The following RAP1GDS1 variants were observed in gnomAD, a reference collection of about 807,000 sequenced individuals.
The protein encoded by RAP1GDS1 is Rap1 GTPase-GDP dissociation stimulator 1, also known as RAP1, GTP-GDP dissociation stimulator 1.
RAP1GDS1 carries 35 observed loss-of-function variants against 71.1 expected under a neutral mutation model. That is an observed-to-expected ratio of 0.49 (90% confidence interval 0.38 to 0.65). RAP1GDS1 has a LOEUF of 0.65. Among genes scored for constraint, RAP1GDS1 ranks in the 30% least tolerant of loss-of-function variants. RAP1GDS1 has a pLI of 0.00. For missense variants in RAP1GDS1, 663 were observed against 706.1 expected (o/e 0.94, Z 0.69); for synonymous variants, 229 against 243.1 (o/e 0.94, Z 0.54).
chr4:98,417,547 T>G (rs1202550564), intron 9 of RAP1GDS1, 49 bp downstream of exon 9: 2 of 1,571,472 alleles, frequency 1.3e-6, no homozygotes, highest in African/African-American at 2.7e-5. Context: ...TATATTTGTT[T>G]ATTTTTGCTT....
Position 98,417,349 on chromosome 4 carries a change from C to T in RAP1GDS1, c.908-18C>T, listed in dbSNP as rs751659039. 4.6e-5 allele frequency: 73 copies of T among 1,593,784 alleles called. No individual in the cohort carries two copies. Among genetic ancestry groups the T allele is most frequent in the Admixed American group, 1.6e-4 (9 of 57,464 alleles). On this transcript the variant is annotated intron_variant, in intron 8 of 14. Transcript: ENST00000408927. ...GTTATTTTTCTCTTGCTTAACTATT[C>T]GTTTCATTTACCTCCAGATGAATCC...
At chr4:98,438,339 A>G (rs916716611) in intron 14 of RAP1GDS1, among the ~76,000 whole-genome samples, 2 of 151,512 alleles carry the variant, frequency 1.3e-5, no homozygotes, top group African/African-American at 4.8e-5. Flanking sequence ...TCACTCTTTT[A>G]GTTTCAATCT....
intron 2 of RAP1GDS1, among the ~76,000 whole-genome samples, chr4:98,300,657 T>A (rs1158617514): frequency 2.6e-5 from 4 of 152,122 alleles, no homozygotes; most frequent in African/African-American, 4.8e-5. Context: ...TTCCTTGGCC[T>A]CCCAAACTGC....
At chr4:98,328,457 G>A (rs1578459988) in intron 2 of RAP1GDS1, among the ~76,000 whole-genome samples, 2 of 152,138 alleles carry the variant, frequency 1.3e-5, no homozygotes, top group Admixed American at 6.5e-5. Context: ...TTAGGGCATC[G>A]GGTGGTTTGG....
chr4:98,431,413 C>A (rs972738519), intron 12 of RAP1GDS1, among the ~76,000 whole-genome samples: 1 of 152,188 alleles, frequency 6.6e-6, no homozygotes, highest in Non-Finnish European at 1.5e-5. Flanking sequence ...TTTCACTAAT[C>A]AAGGGCAAAT....
At chr4:98,309,573 G>T (rs1560811118) in intron 2 of RAP1GDS1, among the ~76,000 whole-genome samples, 1 of 151,912 alleles carries the variant, frequency 6.6e-6, no homozygotes, top group African/African-American at 2.4e-5. Flanking sequence ...AGTAGTCAAG[G>T]TAAGGGAAGG....
intron 6 of RAP1GDS1, among the ~76,000 whole-genome samples, chr4:98,404,269 A>G (rs1578756672): frequency 6.6e-6 from 1 of 152,114 alleles, no homozygotes; most frequent in Admixed American, 6.6e-5. Flanking sequence ...ACCTTTTTTT[A>G]TAGCTCAAAT....
chr4:98,294,462 C>T (rs893842630), intron 2 of RAP1GDS1, among the ~76,000 whole-genome samples: 3 of 151,788 alleles, frequency 2.0e-5, no homozygotes, highest in Admixed American at 2.0e-4. Context: ...AATTATTTTT[C>T]AGTAATTATT....
At chr4:98,423,161 C>CT (rs1749123411) in intron 12 of RAP1GDS1, among the ~76,000 whole-genome samples, 1 of 152,190 alleles carries the variant, frequency 6.6e-6, no homozygotes, top group Non-Finnish European at 1.5e-5. Context: ...GAAAGAAAGA[C>CT]TAACACACTG....
chr4:98,407,885 G>A (rs1252053309), intron 7 of RAP1GDS1, among the ~76,000 whole-genome samples: 2 of 151,930 alleles, frequency 1.3e-5, no homozygotes, highest in African/African-American at 4.8e-5. Flanking sequence ...GAAATAAAAT[G>A]GAAAACATAC....
chr4:98,275,857 A>G (rs1724118613), intron 1 of RAP1GDS1, among the ~76,000 whole-genome samples: 1 of 152,056 alleles, frequency 6.6e-6, no homozygotes, highest in Non-Finnish European at 1.5e-5. Flanking sequence ...CCACCTCTTT[A>G]CTGTAAACAT....
rs1025884200 is a variant in RAP1GDS1 at position 98,319,083 on chromosome 4, T to A, written c.113-24056T>A. Among the ~76,000 whole-genome samples the A allele has an allele frequency of 4.6e-5, 7 of 152,322 alleles. 1 individual carries two copies. The highest frequency in any genetic ancestry group is 1.7e-4 in the African/African-American group (7 of 41,578). On this transcript the variant is annotated intron_variant, in intron 2 of 14. Coordinates refer to ENST00000408927, the MANE Select transcript of RAP1GDS1 (RefSeq NM_001100427.2). ...ATTAGGTGCCTCTGTACATTAAGTA[T>A]GTTGTGGAATTTTTGTCAAAATATT...
chr4:98,392,170 A>G, intron 6 of RAP1GDS1, 90 bp downstream of exon 6: 2 of 1,221,182 alleles, frequency 1.6e-6, no homozygotes, highest in South Asian at 3.6e-5. Context: ...CTAGAAATCC[A>G]TTTAGATTGT....
intron 2 of RAP1GDS1, among the ~76,000 whole-genome samples, chr4:98,326,471 A>G (rs556820619): frequency 3.3e-5 from 5 of 152,280 alleles, no homozygotes; most frequent in Non-Finnish European, 1.5e-5. Context: ...TTGAAAGGAA[A>G]TTGTGATTTA....
intron 2 of RAP1GDS1, among the ~76,000 whole-genome samples, chr4:98,304,468 CTGTT>C (rs1288697585): frequency 2.0e-5 from 3 of 151,868 alleles, no homozygotes; most frequent in East Asian, 1.9e-4. Flanking sequence ...CTTTTTTTTC[CTGTT>C]TGTTGGCCGC....
intron 2 of RAP1GDS1, among the ~76,000 whole-genome samples, chr4:98,296,254 G>T (rs534218089): frequency 6.6e-6 from 1 of 152,016 alleles, no homozygotes; most frequent in Non-Finnish European, 1.5e-5. Flanking sequence ...TACTGGAAAG[G>T]TTATCTCTGA....
intron 1 of RAP1GDS1, among the ~76,000 whole-genome samples, chr4:98,288,361 T>G (rs1726357655): frequency 6.6e-6 from 1 of 152,168 alleles, no homozygotes; most frequent in African/African-American, 2.4e-5. Context: ...GGACATGAAC[T>G]CATCGTTTTT....
At chr4:98,408,227 A>G (rs774634153) in intron 7 of RAP1GDS1, among the ~76,000 whole-genome samples, 1 of 151,986 alleles carries the variant, frequency 6.6e-6, no homozygotes, top group Non-Finnish European at 1.5e-5. Flanking sequence ...CCGAGGTTCA[A>G]GCAATTCTCC....
At chr4:98,367,484 G>A (rs1739671449) in intron 4 of RAP1GDS1, among the ~76,000 whole-genome samples, 1 of 152,132 alleles carries the variant, frequency 6.6e-6, no homozygotes, top group South Asian at 2.1e-4. Context: ...TGAGAAGAGG[G>A]CCACCATCCT....
Sources: allele counts gnomAD v4.1 joint callset (sites outside exome capture counted in the v4.1 genomes callset), GRCh38; gene constraint gnomAD v4.1.1; transcripts MANE v1.5; gene names NCBI Gene and HGNC (gene_info 2026-07-23, HGNC 2026-07-21).